Variants in DLGAP2 observed in about 807,000 individuals in gnomAD.
DLGAP2 encodes the protein DLG associated protein 2.
DLGAP2 carries 26 observed loss-of-function variants against 100.3 expected under a neutral mutation model. The ratio of observed to expected loss-of-function variants is 0.26; its 90% confidence interval spans 0.19 to 0.36. The LOEUF is 0.36. Ranked by LOEUF, DLGAP2 falls within the 10% of genes least tolerant of loss-of-function variation. DLGAP2 has a pLI of 1.00. For synonymous variants in DLGAP2, 886 were observed against 630.1 expected (o/e 1.41, Z -6.08); for missense variants, 1,858 against 1,453.2 (o/e 1.28, Z -4.53).
Position 1,314,224 on chromosome 8 carries a change from C to T in DLGAP2, c.106+55341C>T, listed in dbSNP as rs546884493. 4.6e-5 allele frequency among the ~76,000 whole-genome samples: 7 copies of T among 152,234 alleles called. No individual in the cohort carries two copies. In the South Asian group the frequency reaches 8.3e-4, roughly 18 times the overall value. On this transcript the variant is annotated intron_variant, in intron 3 of 14. Coordinates refer to ENST00000637795, the MANE Select transcript of DLGAP2 (RefSeq NM_001346810.2). The stretch of plus-strand genomic sequence containing the variant: ...TAGCAGCACAGACGTTTCAGTTATC[C>T]GTTTTAATTGAGTTACTGTTGAGTT...
Position 1,211,449 on chromosome 8 carries a change from A to G in DLGAP2, c.74-47402A>G, listed in dbSNP as rs575512885. Among the ~76,000 whole-genome samples, 196 of 152,372 alleles carry G rather than the reference A, an allele frequency of 1.3e-3. 1 individual carries two copies. The highest frequency in any genetic ancestry group is 4.5e-3 in the African/African-American group (186 of 41,588). ...TTAACGTGGAGCTGTTGGAGTTTCA[A>G]TTAAATCCAGAATTCATTAAAAATT... On this transcript the variant is annotated intron_variant, in intron 2 of 14. Coordinates refer to ENST00000637795, the MANE Select transcript of DLGAP2 (RefSeq NM_001346810.2).
chr8:1,606,042 AG>A (rs1796785588), intron 6 of DLGAP2, among the ~76,000 whole-genome samples: 2 of 152,234 alleles, frequency 1.3e-5, no homozygotes, highest in Admixed American at 1.3e-4. Flanking sequence ...GAAGAATGAA[AG>A]TATTTGTGGA....
rs886713433 is a variant in DLGAP2, at chr8:1,438,478, C to CT, written c.107-62883dup. Reference sequence around the variant, plus strand: ...AGTAACAAGGCCCAAAGAGCTGTGGCTTTTTAAAAAAAAACCACCATACGT... The same window carrying CT: ...AGTAACAAGGCCCAAAGAGCTGTGGCTTTTTTAAAAAAAAACCACCATACGT... On this transcript the variant is annotated intron_variant, in intron 3 of 14. Coordinates refer to ENST00000637795, the MANE Select transcript of DLGAP2 (RefSeq NM_001346810.2). Among the ~76,000 whole-genome samples, 39 of 151,714 alleles carry CT rather than the reference C, an allele frequency of 2.6e-4. 1 individual carries two copies. Among genetic ancestry groups the CT allele is most frequent in the African/African-American group, 6.8e-4 (28 of 41,064 alleles).
intron 2 of DLGAP2, among the ~76,000 whole-genome samples, chr8:1,232,892 T>G (rs910502509): frequency 1.3e-5 from 2 of 152,226 alleles, no homozygotes; most frequent in Non-Finnish European, 2.9e-5. Context: ...ATAATCTAAT[T>G]TTAGAATATT....
At chr8:1,419,765 A>G (rs1797039142) in intron 3 of DLGAP2, among the ~76,000 whole-genome samples, 1 of 152,204 alleles carries the variant, frequency 6.6e-6, no homozygotes, top group African/African-American at 2.4e-5. Flanking sequence ...TGGTGAGAAT[A>G]TAAATTAGTC....
chr8:1,460,729 A>G lies in DLGAP2; in HGVS notation c.107-40637A>G, dbSNP rs974971815. 6.6e-5 allele frequency among the ~76,000 whole-genome samples: 10 copies of G among 152,238 alleles called. 1 individual carries two copies. In the South Asian group the frequency reaches 1.4e-3, roughly 22 times the overall value. On this transcript the variant is annotated intron_variant, in intron 3 of 14. Transcript: ENST00000637795. ...TAACTCATAATTTGTTTTGTGGCAC[A>G]GTCTCTTTGGAGACTTTGGGTTGGA...
intron 3 of DLGAP2, among the ~76,000 whole-genome samples, chr8:1,308,788 G>A (rs1368190501): frequency 2.0e-5 from 3 of 152,184 alleles, no homozygotes; most frequent in African/African-American, 7.2e-5. Context: ...GCCTCCCCAA[G>A]TGCTGGGATT....
At chr8:999,959 C>T (rs1464517463) in intron 2 of DLGAP2, among the ~76,000 whole-genome samples, 1 of 149,630 alleles carries the variant, frequency 6.7e-6, no homozygotes, top group African/African-American at 2.4e-5. Flanking sequence ...TTCTCTAGAG[C>T]AGACAGATCC....
intron 3 of DLGAP2, among the ~76,000 whole-genome samples, chr8:1,464,526 C>A (rs1382248764): frequency 6.6e-6 from 1 of 151,844 alleles, no homozygotes; most frequent in Non-Finnish European, 1.5e-5. Context: ...CAGGAAAGCA[C>A]CCTTCCAGGA....
chr8:836,922 A>G (rs1471609008), intron 1 of DLGAP2, among the ~76,000 whole-genome samples: 4 of 152,162 alleles, frequency 2.6e-5, no homozygotes, highest in Admixed American at 2.6e-4. Context: ...GCACATGCAC[A>G]CACCTGCTGC....
intron 4 of DLGAP2, among the ~76,000 whole-genome samples, chr8:1,515,027 G>C (rs1488881755): frequency 6.6e-6 from 1 of 151,508 alleles, no homozygotes; most frequent in African/African-American, 2.4e-5. Flanking sequence ...GGAGACCGAC[G>C]TGCAGGGAGA....
chr8:1,285,471 G>A (rs768135530), intron 3 of DLGAP2, among the ~76,000 whole-genome samples: 1 of 152,170 alleles, frequency 6.6e-6, no homozygotes, highest in Admixed American at 6.5e-5. Context: ...AGCCTGTCCT[G>A]GAGATGATGG....
Position 1,668,465 on chromosome 8 carries a change from G to C in DLGAP2, c.1947G>C (p.Arg649Ser), listed in dbSNP as rs781245216. 10 of 1,594,818 alleles carry C rather than the reference G, an allele frequency of 6.3e-6. No individual in the cohort carries two copies. The highest frequency in any genetic ancestry group is 1.3e-5 in the African/African-American group (1 of 74,288). ...CCTACCAGGACAGCCGCGCACAGAG[G>C]ATGTCCCCGTGGCCCCAGGACAGCC... ...QDAYQDSRAQ[R>S]MSPWPQDSRG... Residue 649 changes from arginine to serine, a missense_variant, in exon 9 of 15, where the codon AGG becomes AGC. Physicochemically the swap from Arg to Ser is moderately radical, Grantham distance 110 (BLOSUM62 -1). Coordinates refer to ENST00000637795, the MANE Select transcript of DLGAP2 (RefSeq NM_001346810.2).
At chr8:1,673,117 T>G (rs1798731379) in intron 10 of DLGAP2, among the ~76,000 whole-genome samples, 1 of 152,164 alleles carries the variant, frequency 6.6e-6, no homozygotes, top group Non-Finnish European at 1.5e-5. Context: ...TTTCAAAACT[T>G]TAAGAGATGA....
chr8:1,127,012 AT>A (rs1796180505), intron 2 of DLGAP2, among the ~76,000 whole-genome samples: 1 of 146,004 alleles, frequency 6.8e-6, no homozygotes, highest in African/African-American at 2.6e-5. Flanking sequence ...CTCATGAGGG[AT>A]GCCCACCCTG....
chr8:1,430,323 G>T (rs1013565994), intron 3 of DLGAP2, among the ~76,000 whole-genome samples: 3 of 152,006 alleles, frequency 2.0e-5, no homozygotes, highest in Non-Finnish European at 4.4e-5. Flanking sequence ...AATCTTTAGT[G>T]GCTTCATTGC....
intron 2 of DLGAP2, among the ~76,000 whole-genome samples, chr8:1,067,780 C>T (rs1269629874): frequency 6.6e-6 from 1 of 152,054 alleles, no homozygotes; most frequent in East Asian, 1.9e-4. Flanking sequence ...GCATTTAGTG[C>T]AGCTGATGGA....
At chr8:921,297 C>T (rs1217592309) in intron 2 of DLGAP2, among the ~76,000 whole-genome samples, 1 of 152,204 alleles carries the variant, frequency 6.6e-6, no homozygotes, top group Non-Finnish European at 1.5e-5. Context: ...TCAGACCCGT[C>T]CTCCCTGTTG....
At chr8:843,009 G>A (rs1011785166) in intron 1 of DLGAP2, among the ~76,000 whole-genome samples, 2 of 152,140 alleles carry the variant, frequency 1.3e-5, no homozygotes, top group African/African-American at 2.4e-5. Flanking sequence ...GCGGGCTTTC[G>A]CTCACTTTAT....
Sources: allele counts gnomAD v4.1 joint callset (sites outside exome capture counted in the v4.1 genomes callset), GRCh38; gene constraint gnomAD v4.1.1; transcripts MANE v1.5; gene names NCBI Gene and HGNC (gene_info 2026-07-23, HGNC 2026-07-21).